Variants in SEC11C observed in about 807,000 individuals in gnomAD.
SEC11C encodes the protein signal peptidase complex catalytic subunit SEC11C.
In SEC11C, 10 loss-of-function variants were observed where a neutral mutation model predicts 21.9. The observed-to-expected ratio is 0.46, with a 90% CI of 0.28 to 0.77. The LOEUF (loss-of-function observed/expected upper bound fraction) is 0.77. Ranked by LOEUF, SEC11C falls within the 30% of genes least tolerant of loss-of-function variation. The pLI is 0.12. For missense variants in SEC11C, 145 were observed against 244.5 expected, an observed-to-expected ratio of 0.59 and a Z score of 2.71; for synonymous variants, 83 against 85.6, an observed-to-expected ratio of 0.97 and a Z score of 0.17.
intron 2 of SEC11C, among the ~76,000 whole-genome samples, chr18:59,149,824 A>G (rs537313457): frequency 1.3e-5 from 2 of 152,258 alleles, no homozygotes; most frequent in South Asian, 4.1e-4. Context: ...CATCTTTCTT[A>G]GTAGACATTT....
At position 59,152,402 on chromosome 18, in the gene SEC11C, A is replaced by G. The variant is rs2069366378; in HGVS notation, c.198-134A>G. On this transcript the variant is annotated intron_variant, in intron 2 of 5. Coordinates refer to ENST00000587834, the MANE Select transcript of SEC11C (RefSeq NM_033280.4). ...CACATGTTACCACCTTGAGCAGTTAAGAAGGAAGCCACATTGGCTCGTTTT... is the reference window on the plus strand; with the variant it reads ...CACATGTTACCACCTTGAGCAGTTAGGAAGGAAGCCACATTGGCTCGTTTT... 7 of 884,754 alleles carry G rather than the reference A, an allele frequency of 7.9e-6. No homozygotes were observed. The South Asian group carries it at 1.7e-4, about 21-fold the overall frequency. The allele number at this position is 884,754 out of a possible 1,614,324, so 54.8% of individuals were successfully genotyped here.
chr18:59,153,227 G>A (rs1048182097), intron 3 of SEC11C: 1 of 152,198 alleles, frequency 6.6e-6, no homozygotes, highest in African/African-American at 2.4e-5. Flanking sequence ...CAGCCTTGCT[G>A]TTAATACCAG....
At chr18:59,157,587 G>A (rs1472933130) in intron 4 of SEC11C, 21 bp from the exon 5 acceptor site, 1 of 1,561,056 alleles carries the variant, frequency 6.4e-7, no homozygotes, top group Admixed American at 1.7e-5. Flanking sequence ...TATATCTCTT[G>A]CTTTTTATCC....
chr18:59,142,576 G>T (rs1232140087), intron 1 of SEC11C, among the ~76,000 whole-genome samples: 2 of 152,176 alleles, frequency 1.3e-5, no homozygotes, highest in African/African-American at 2.4e-5. Flanking sequence ...TTAGAGTGAC[G>T]TGACTTGTAA....
intron 3 of SEC11C, chr18:59,153,086 G>T (rs2085632): frequency 0.19 from 29,762 of 154,740 alleles, 3,387 homozygotes; most frequent in East Asian, 0.38. Context: ...TATGTTACTT[G>T]GGCCAAAGTG....
intron 2 of SEC11C, 88 bp downstream of exon 2, chr18:59,149,710 C>A: frequency 3.3e-6 from 2 of 614,176 alleles, no homozygotes; most frequent in Non-Finnish European, 5.8e-6. Flanking sequence ...AAGTGAAAAC[C>A]TGCGTGACAG....
intron 1 of SEC11C, among the ~76,000 whole-genome samples, chr18:59,143,780 C>T (rs974318953): frequency 3.3e-5 from 5 of 152,120 alleles, no homozygotes; most frequent in African/African-American, 4.8e-5. Context: ...CCTCCCCCAA[C>T]CCAACCCGCT....
At chr18:59,152,261 T>C (rs1481787290) in intron 2 of SEC11C, among the ~76,000 whole-genome samples, 2 of 151,880 alleles carry the variant, frequency 1.3e-5, no homozygotes, top group African/African-American at 4.9e-5. Flanking sequence ...TAAAAATTGG[T>C]AGCTTTTACT....
chr18:59,150,557 G>A (rs17779060), intron 2 of SEC11C, among the ~76,000 whole-genome samples: 1,610 of 152,304 alleles, frequency 0.011, 80 homozygotes, highest in Admixed American at 0.072. Flanking sequence ...CGACCCACTC[G>A]TGTTCACACT....
At chr18:59,155,160 T>G (rs568354845) in intron 3 of SEC11C, among the ~76,000 whole-genome samples, 1 of 152,362 alleles carries the variant, frequency 6.6e-6, no homozygotes, top group East Asian at 1.9e-4. Context: ...TTAAACCAGC[T>G]TCATGACCTG....
chr18:59,149,996 T>C (rs2069328824), intron 2 of SEC11C, among the ~76,000 whole-genome samples: 1 of 152,214 alleles, frequency 6.6e-6, no homozygotes, highest in South Asian at 2.1e-4. Flanking sequence ...AGAGCCTGTA[T>C]CCCCAGTGCG....
intron 3 of SEC11C, chr18:59,153,100 T>TGGACTAATA (rs2069377740): frequency 6.4e-6 from 1 of 155,162 alleles, no homozygotes; most frequent in Non-Finnish European, 1.4e-5. Context: ...CAAAGTGGCA[T>TGGACTAATA]TTTCAGCAGT....
chr18:59,145,607 T>C (rs1448248108), intron 1 of SEC11C, among the ~76,000 whole-genome samples: 1 of 152,114 alleles, frequency 6.6e-6, no homozygotes, highest in East Asian at 1.9e-4. Context: ...GACAGGGCCT[T>C]AGAGGCCATA....
intron 1 of SEC11C, among the ~76,000 whole-genome samples, chr18:59,144,663 T>G (rs2069249638): frequency 6.8e-6 from 1 of 147,732 alleles, no homozygotes; most frequent in Non-Finnish European, 1.5e-5. Context: ...AGTTTGAGGC[T>G]GTGGTGAGCT....
chr18:59,151,593 C>G (rs1309992548), intron 2 of SEC11C, among the ~76,000 whole-genome samples: 1 of 152,126 alleles, frequency 6.6e-6, no homozygotes, highest in African/African-American at 2.4e-5. Flanking sequence ...ACCTTCTGCA[C>G]CTGCTGAGAT....
chr18:59,142,983 T>G (rs1448711457), intron 1 of SEC11C, among the ~76,000 whole-genome samples: 1 of 152,200 alleles, frequency 6.6e-6, no homozygotes, highest in Non-Finnish European at 1.5e-5. Context: ...GCACTCCAGT[T>G]TCCTTTTTCA....
chr18:59,149,651 C>T (rs1224197115), intron 2 of SEC11C, 29 bp downstream of exon 2: 11 of 1,434,438 alleles, frequency 7.7e-6, no homozygotes, highest in Non-Finnish European at 8.8e-6. Flanking sequence ...CCTCCAGCCT[C>T]CAACCTCCAT....
chr18:59,154,039 G>GGTGTACCCC (rs2069390988), intron 3 of SEC11C, among the ~76,000 whole-genome samples: 2 of 152,146 alleles, frequency 1.3e-5, no homozygotes, highest in Admixed American at 1.3e-4. Context: ...GTACCCCACA[G>GGTGTACCCC]ATATTGATAC....
intron 2 of SEC11C, among the ~76,000 whole-genome samples, chr18:59,150,496 G>A (rs1469693718): frequency 2.0e-5 from 3 of 152,250 alleles, no homozygotes; most frequent in Non-Finnish European, 4.4e-5. Flanking sequence ...GCGTTTTCAT[G>A]AATTTAGAAG....
Sources: gnomAD v4.1 joint callset for allele counts (sites outside exome capture counted in the v4.1 genomes callset) on GRCh38, gnomAD v4.1.1 for gene constraint, MANE v1.5 for transcripts, NCBI Gene and HGNC (gene_info 2026-07-23, HGNC 2026-07-21) for gene names.